Variants in TP63 observed in about 807,000 individuals in gnomAD.
TP63 encodes tumor protein p63, also known as tumor protein 63.
Under a neutral mutation model 82.8 loss-of-function variants are expected in TP63, and 17 were observed. The observed-to-expected ratio is 0.21, with a 90% CI of 0.14 to 0.31. The LOEUF (loss-of-function observed/expected upper bound fraction) is 0.31. Ranked by LOEUF, TP63 falls within the 10% of genes least tolerant of loss-of-function variation. The pLI is 1.00. For missense variants in TP63, 648 were observed against 895.3 expected (o/e 0.72, Z 3.52); for synonymous variants, 330 against 321.7 (o/e 1.03, Z -0.28).
intron 1 of TP63, among the ~76,000 whole-genome samples, chr3:189,632,746 G>C (rs1424604790): frequency 6.6e-6 from 1 of 152,060 alleles, no homozygotes; most frequent in Non-Finnish European, 1.5e-5. Context: ...AACAATATTA[G>C]CACAAATAAA....
chr3:189,878,385 C>CTTTTTTT (rs1203096619), intron 10 of TP63, among the ~76,000 whole-genome samples: 1 of 107,698 alleles, frequency 9.3e-6, no homozygotes, highest in Non-Finnish European at 1.9e-5. Context: ...TTACAGTTTC[C>CTTTTTTT]TTTTTTTTTT....
chr3:189,785,501 G>A (rs976870454), intron 3 of TP63, among the ~76,000 whole-genome samples: 3 of 152,000 alleles, frequency 2.0e-5, no homozygotes, highest in Non-Finnish European at 2.9e-5. Flanking sequence ...ATAAGAGAAG[G>A]TTTAACTTCA....
At chr3:189,766,422 T>C (rs1286943536) in intron 3 of TP63, among the ~76,000 whole-genome samples, 1 of 152,192 alleles carries the variant, frequency 6.6e-6, no homozygotes, top group East Asian at 1.9e-4. Context: ...ATCAGGTTTT[T>C]TTTTTCTGTG....
At chr3:189,723,743 T>C (rs1187174276) in intron 1 of TP63, among the ~76,000 whole-genome samples, 1 of 152,222 alleles carries the variant, frequency 6.6e-6, no homozygotes, top group African/African-American at 2.4e-5. Flanking sequence ...ACAAAACTTA[T>C]CTACCAGGTA....
intron 3 of TP63, among the ~76,000 whole-genome samples, chr3:189,763,512 A>G (rs1188946403): frequency 6.6e-6 from 1 of 152,206 alleles, no homozygotes; most frequent in African/African-American, 2.4e-5. Context: ...TGGACAGGAG[A>G]CAATACAAGC....
At chr3:189,651,262 A>T (rs1181037666) in intron 1 of TP63, among the ~76,000 whole-genome samples, 1 of 147,076 alleles carries the variant, frequency 6.8e-6, no homozygotes, top group Non-Finnish European at 1.5e-5. Context: ...AAAACCTGGC[A>T]GAGCCAGGTG....
At chr3:189,602,554 A>G in the TP63 span, among the ~76,000 whole-genome samples, 1 of 152,292 alleles carries the variant, frequency 6.6e-6, no homozygotes, top group African/African-American at 2.4e-5. Flanking sequence ...TAGGGAATGA[A>G]GTGGAGCAGA....
At chr3:189,638,119 A>T (rs533893072) in intron 1 of TP63, among the ~76,000 whole-genome samples, 4 of 152,126 alleles carry the variant, frequency 2.6e-5, no homozygotes, top group Non-Finnish European at 5.9e-5. Context: ...GAACGGCAAG[A>T]TACTAACTTT....
rs962012873 is a variant in TP63, at chr3:189,771,316, T to A, written c.324+32542T>A. Among the ~76,000 whole-genome samples the A allele has an allele frequency of 1.8e-4, 25 of 136,652 alleles. 1 individual carries two copies. Among genetic ancestry groups the A allele is most frequent in the African/African-American group, 2.5e-4 (9 of 35,976 alleles). The allele number at this position is 136,652 out of a possible 152,430, so 89.6% of individuals were successfully genotyped here. A position where few individuals can be genotyped will look rare whatever the true frequency, so the allele number is the denominator to read the frequency against. ...ATATTATATTTATATATATAATATA[T>A]TATATATTTATATATAATATATATT... On this transcript the variant is annotated intron_variant, in intron 3 of 13. Coordinates refer to ENST00000264731, the MANE Select transcript of TP63 (RefSeq NM_003722.5).
At chr3:189,609,826 G>A in the TP63 span, among the ~76,000 whole-genome samples, 2 of 152,136 alleles carry the variant, frequency 1.3e-5, no homozygotes, top group African/African-American at 4.8e-5. Context: ...ATTGTGAATA[G>A]TGCTGCAATG....
At chr3:189,734,348 T>G (rs1232858321) in intron 1 of TP63, among the ~76,000 whole-genome samples, 1 of 151,990 alleles carries the variant, frequency 6.6e-6, no homozygotes, top group Non-Finnish European at 1.5e-5. Flanking sequence ...ATTTTTGTAT[T>G]TTTGGAAGAG....
intron 4 of TP63, among the ~76,000 whole-genome samples, chr3:189,822,566 A>G (rs761579203): frequency 6.6e-6 from 1 of 152,186 alleles, no homozygotes; most frequent in Non-Finnish European, 1.5e-5. Flanking sequence ...GATGAGTAGT[A>G]TTTATCTTGT....
intron 1 of TP63, among the ~76,000 whole-genome samples, chr3:189,643,871 G>A (rs190244258): frequency 6.6e-6 from 1 of 152,080 alleles, no homozygotes; most frequent in Non-Finnish European, 1.5e-5. Context: ...TTGACCCATG[G>A]TTACTCAATA....
chr3:189,603,667 A>C, the TP63 span, among the ~76,000 whole-genome samples: 1 of 132,022 alleles, frequency 7.6e-6, no homozygotes, highest in Non-Finnish European at 1.7e-5. Context: ...AAAAAAAAAA[A>C]AAAAAAAAAG....
At chr3:189,685,729 A>T (rs1234163732) in intron 1 of TP63, among the ~76,000 whole-genome samples, 2 of 152,190 alleles carry the variant, frequency 1.3e-5, no homozygotes, top group Non-Finnish European at 2.9e-5. Flanking sequence ...AGCAATATTG[A>T]TATTAAATTT....
chr3:189,765,531 G>T (rs1206786312), intron 3 of TP63, among the ~76,000 whole-genome samples: 1 of 140,890 alleles, frequency 7.1e-6, no homozygotes, highest in Non-Finnish European at 1.5e-5. Context: ...CGCCTCCCGG[G>T]TTCACGCCAT....
At chr3:189,735,803 A>T (rs1056852365) in intron 1 of TP63, among the ~76,000 whole-genome samples, 1 of 152,060 alleles carries the variant, frequency 6.6e-6, no homozygotes, top group African/African-American at 2.4e-5. Flanking sequence ...TAGATACACT[A>T]CTCCACACGT....
intron 1 of TP63, among the ~76,000 whole-genome samples, chr3:189,667,923 C>T (rs977779250): frequency 7.2e-5 from 11 of 152,218 alleles, no homozygotes; most frequent in African/African-American, 1.9e-4. Context: ...TGTTCCACTA[C>T]AGCTTTAATC....
upstream of TP63, among the ~76,000 whole-genome samples, chr3:189,631,092 A>G (rs533509742): frequency 5.3e-5 from 8 of 152,238 alleles, no homozygotes; most frequent in East Asian, 1.9e-4. Context: ...TTCAGTTACA[A>G]AAGTCCAGGC....
Sources: allele counts gnomAD v4.1 joint callset (sites outside exome capture counted in the v4.1 genomes callset), GRCh38; gene constraint gnomAD v4.1.1; transcripts MANE v1.5; gene names NCBI Gene and HGNC (gene_info 2026-07-23, HGNC 2026-07-21).